Variants in FBXW5 observed in about 807,000 individuals in gnomAD.
FBXW5 encodes F-box/WD repeat-containing protein 5.
A neutral mutation model predicts 50.9 loss-of-function variants in FBXW5; 74 were observed. The observed-to-expected ratio is 1.45, with a 90% CI of 1.20 to 1.76. The LOEUF (loss-of-function observed/expected upper bound fraction) is 1.76. FBXW5 is among the 40% of genes most tolerant of loss of function. The probability of loss-of-function intolerance (pLI) is 0.00; values close to 1 mark genes in which losing one functional copy is unlikely to be tolerated. For missense variants in FBXW5, 1,073 were observed against 818.8 expected (o/e 1.31, Z -3.79); for synonymous variants, 523 against 362.2 (o/e 1.44, Z -5.04).
rs202112452 is a variant in FBXW5 at position 136,943,911 on chromosome 9, C to T, written c.173G>A (p.Arg58His). ...EQFYRYYQVA[R>H]DVPRHPAAMS... is the part of the protein sequence containing the mutation. Reference sequence around the variant, plus strand: ...CTGACCTGGGTGTCGGGGCACGTCGCGGGCCACCTGGTAGTAGCGGTAGAA... The same window carrying T: ...CTGACCTGGGTGTCGGGGCACGTCGTGGGCCACCTGGTAGTAGCGGTAGAA... Residue 58 changes from arginine (R) to histidine (H), a missense_variant, in exon 2 of 9, where the codon CGC becomes CAC. Physicochemically the swap from Arg to His is conservative, Grantham distance 29. Coordinates refer to ENST00000325285, the MANE Select transcript of FBXW5 (RefSeq NM_018998.4). The T allele has an allele frequency of 7.9e-4, 1,230 of 1,550,274 alleles. 7 individuals are homozygous for T. Among genetic ancestry groups the T allele is most frequent in the South Asian group, 6.7e-3 (562 of 84,086 alleles).
At position 136,943,362 on chromosome 9, in the gene FBXW5, T is replaced by G; in HGVS notation, c.338A>C (p.Asp113Ala). 6.2e-7 allele frequency: 1 copy of G among 1,612,124 alleles called. No individual in the cohort carries two copies. Among genetic ancestry groups the G allele is most frequent in the South Asian group, 1.1e-5 (1 of 91,064 alleles). ...GGCCGTCCTCACCTTCACAGTGCAG[T>G]CCTTGGAGCAGGACGCGAACTGGTA... Reference protein sequence around the residue: ...SGYQFASCSKDCTVKIWSNDL... With the variant: ...SGYQFASCSKACTVKIWSNDL... Residue 113 changes from aspartate (D) to alanine (A), a missense_variant, in exon 3 of 9, where the codon GAC (aspartate) becomes GCC (alanine). By Grantham distance (126) the Asp-to-Ala change is moderately radical (BLOSUM62 -2). Transcript: ENST00000325285.
Position 136,944,697 on chromosome 9 carries a change from G to T in FBXW5, c.-127C>A. 1.2e-5 allele frequency: 12 copies of T among 985,672 alleles called. No homozygotes were observed. The highest frequency in any genetic ancestry group is 1.4e-5 in the Non-Finnish European group (12 of 829,762). 61.1% of individuals were successfully genotyped at this position (985,672 alleles called of 1,614,324 possible). A position where few individuals can be genotyped will look rare whatever the true frequency, so the allele number is the denominator to read the frequency against. On this transcript the variant is annotated 5_prime_UTR_variant, in exon 1 of 9. Coordinates refer to ENST00000325285, the MANE Select transcript of FBXW5 (RefSeq NM_018998.4). ...GCCGCCCCCGCCCAACGGGGAGCCC[G>T]CCAGGCCCGACGCCACGAGCCCCGA...
Position 136,941,148 on chromosome 9 carries a change from T to G in FBXW5, c.1481A>C (p.Tyr494Ser). Residue 494 changes from tyrosine to serine, a missense_variant, in exon 9 of 9, where the codon TAC (tyrosine) becomes TCC (serine). Transcript: ENST00000325285. The part of the protein sequence containing the change: ...VASGAEDRHG[Y>S]IWDRHYNICL... ...GATGTTGTAGTGGCGGTCCCAGATG[T>G]AGCCGTGCCGGTCCTCCGCCCCGCT... The G allele has an allele frequency of 6.3e-7, 1 of 1,597,442 alleles. No homozygotes were observed. The highest frequency in any genetic ancestry group is 8.5e-7 in the Non-Finnish European group (1 of 1,171,460).
At position 136,941,365 on chromosome 9, in the gene FBXW5, A is replaced by T; in HGVS notation, c.1343T>A (p.Phe448Tyr). ...PIAEEIDLLV[F>Y]DLKTMREVRR... ...CACCTCCCGCATGGTCTTGAGGTCG[A>T]ACACCAGCAGGTCAATCTCCTCCGC... Residue 448 changes from phenylalanine to tyrosine, a missense_variant, in exon 8 of 9, where the codon TTC (phenylalanine) becomes TAC (tyrosine). Coordinates refer to ENST00000325285, the MANE Select transcript of FBXW5 (RefSeq NM_018998.4). 1.9e-6 allele frequency: 3 copies of T among 1,611,760 alleles called. No homozygotes were observed. The highest frequency in any genetic ancestry group is 2.5e-6 in the Non-Finnish European group (3 of 1,179,898).
In FBXW5 at chr9:136,942,032, C is replaced by G. The variant is rs369659543; in HGVS notation, c.1096+14G>C. 2.5e-6 allele frequency: 4 copies of G among 1,590,242 alleles called. No individual in the cohort carries two copies. In the African/African-American group the frequency reaches 4.0e-5, roughly 16 times the overall value. On this transcript the variant is annotated intron_variant, in intron 6 of 8. Transcript: ENST00000325285. ...CCTAGGACCGAGGCGGGCAGCATGG[C>G]GGCAGGGGTGTACCGATCTGGTGTG...
In FBXW5 at chr9:136,943,917, A is replaced by C. The variant is rs866474611; in HGVS notation, c.167T>G (p.Val56Gly). ...WREQFYRYYQVARDVPRHPAA... is the reference protein window; with the variant it reads ...WREQFYRYYQGARDVPRHPAA... ...TGGGTGTCGGGGCACGTCGCGGGCC[A>C]CCTGGTAGTAGCGGTAGAACTGCTC... The change falls in exon 2 of 9, where the codon GTG becomes GGG. Residue 56 changes from valine (V) to glycine (G), a missense_variant. By Grantham distance (109) the Val-to-Gly change is moderately radical (BLOSUM62 -3). Transcript: ENST00000325285. 9.0e-6 allele frequency: 14 copies of C among 1,550,666 alleles called. No individual in the cohort carries two copies. The Admixed American group carries it at 2.5e-4, about 28-fold the overall frequency.
chr9:136,942,050 C>A lies in FBXW5; in HGVS notation c.1092G>T (p.Gln364His). The change falls in exon 6 of 9, where the codon CAG (glutamine) becomes CAT (histidine). Residue 364 changes from glutamine (Q) to histidine (H), a missense_variant. Gln to His is a conservative substitution (Grantham distance 24). Coordinates refer to ENST00000325285, the MANE Select transcript of FBXW5 (RefSeq NM_018998.4). ...TTGCLTYSPHQIGIKQILPHQ... is the reference protein window; with the variant it reads ...TTGCLTYSPHHIGIKQILPHQ... ...AGCATGGCGGCAGGGGTGTACCGAT[C>A]TGGTGTGGGGAGTAGGTGAGGCAGC... 1 of 1,605,042 alleles carries A rather than the reference C, an allele frequency of 6.2e-7. No individual in the cohort carries two copies. The highest frequency in any genetic ancestry group is 8.5e-7 in the Non-Finnish European group (1 of 1,173,490).
At chr9:136,943,027 T>G in intron 3 of FBXW5, 84 bp from the exon 4 acceptor site, 3 of 1,594,864 alleles carry the variant, frequency 1.9e-6, no homozygotes, top group Non-Finnish European at 2.6e-6. Context: ...AGGCCCCAGC[T>G]CTGCCAGCCC....
intron 4 of FBXW5, 36 bp from the exon 5 acceptor site, chr9:136,942,731 T>TGGGGCG (rs1313268050): frequency 1.4e-5 from 22 of 1,604,094 alleles, no homozygotes; most frequent in Non-Finnish European, 1.7e-5. Context: ...GCTGTCGGCG[T>TGGGGCG]GGGGCGGGGG....
At position 136,940,538 on chromosome 9, in the gene FBXW5, G is replaced by A. The variant is rs545986506; in HGVS notation, c.*390C>T. ...GACCGGCCGCTCCCAAGCCCCGGGCGCACAACCACAGCCAGGAGCAGCCCC... is the reference window on the plus strand; with the variant it reads ...GACCGGCCGCTCCCAAGCCCCGGGCACACAACCACAGCCAGGAGCAGCCCC... On this transcript the variant is annotated 3_prime_UTR_variant, in exon 9 of 9. Coordinates refer to ENST00000325285, the MANE Select transcript of FBXW5 (RefSeq NM_018998.4). The A allele has an allele frequency of 7.8e-5, 20 of 254,778 alleles. No individual in the cohort carries two copies. The highest frequency in any genetic ancestry group is 1.5e-3 in the Middle Eastern group (1 of 686). 15.8% of individuals were successfully genotyped at this position (254,778 alleles called of 1,614,324 possible). A position where few individuals can be genotyped will look rare whatever the true frequency, so the allele number is the denominator to read the frequency against.
chr9:136,942,364 A>AGCG lies in FBXW5; in HGVS notation c.775_777dup (p.Arg259dup). ...TCCAGCAGCAGGTCAGGGCTGTCGA[A>AGCG]GCGGCTGCAGTCGGCCACCATCACC... On this transcript the variant is annotated inframe_insertion, in exon 6 of 9. Coordinates refer to ENST00000325285, the MANE Select transcript of FBXW5 (RefSeq NM_018998.4). 1 of 1,609,146 alleles carries AGCG rather than the reference A, an allele frequency of 6.2e-7. No individual in the cohort carries two copies. Among genetic ancestry groups the AGCG allele is most frequent in the Non-Finnish European group, 8.5e-7 (1 of 1,178,478 alleles).
At position 136,942,352 on chromosome 9, in the gene FBXW5, C is replaced by T; in HGVS notation, c.790G>A (p.Asp264Asn). Residue 264 changes from aspartate to asparagine, a missense_variant, in exon 6 of 9, where the codon GAC becomes AAC. Coordinates refer to ENST00000325285, the MANE Select transcript of FBXW5 (RefSeq NM_018998.4). ...GGGTCACCGGCTTCCAGCAGCAGGT[C>T]AGGGCTGTCGAAGCGGCTGCAGTCG... is the stretch of plus-strand genomic sequence containing the variant. ...VADCSRFDSP[D>N]LLLEAGDPAT... 2.5e-6 allele frequency: 4 copies of T among 1,607,296 alleles called. No individual in the cohort carries two copies. The highest frequency in any genetic ancestry group is 3.4e-6 in the Non-Finnish European group (4 of 1,177,634).
intron 2 of FBXW5, 132 bp downstream of exon 2, chr9:136,943,759 C>G (rs1001147315): frequency 8.8e-7 from 1 of 1,129,966 alleles, no homozygotes; most frequent in Non-Finnish European, 1.2e-6. Flanking sequence ...TGACAGGCCT[C>G]TATCAGGGTG....
rs1230908192 is a variant in FBXW5 at position 136,942,092 on chromosome 9, G to T, written c.1050C>A (p.Tyr350Ter). ...TGAGGCAGCCAGTGGTGAAGATGAG[G>T]TACTTGCTCTTGGCGCCTGTGGCAC... Reference protein sequence around the residue: ...ERSATGAKSKYLIFTTGCLTY... With the variant: ...ERSATGAKSK The change falls in exon 6 of 9, where the codon TAC becomes TAA. Residue 350 changes from tyrosine to a stop codon, truncating the protein, a stop_gained. Transcript: ENST00000325285. LOFTEE classifies it high-confidence loss of function. 1 of 1,612,926 alleles carries T rather than the reference G, an allele frequency of 6.2e-7. No individual in the cohort carries two copies. Among genetic ancestry groups the T allele is most frequent in the Non-Finnish European group, 8.5e-7 (1 of 1,179,342 alleles).
At chr9:136,943,218 G>C in intron 3 of FBXW5, 131 bp downstream of exon 3, 1 of 1,260,270 alleles carries the variant, frequency 7.9e-7, no homozygotes, top group South Asian at 1.4e-5. Flanking sequence ...GCTGGATGCA[G>C]GGAGGCTGCT....
At position 136,942,666 on chromosome 9, in the gene FBXW5, TC is replaced by T. The variant is rs1564435550; in HGVS notation, c.555del (p.Asn186ThrfsTer50). 6.2e-7 allele frequency: 1 copy of T among 1,610,006 alleles called. No homozygotes were observed. The highest frequency in any genetic ancestry group is 8.5e-7 in the Non-Finnish European group (1 of 1,178,864). ...LDSFALLSRV[R>X]NKPYDVFGCW... ...CAGCCAAACACGTCATAGGGCTTGT[TC>T]CGCACGCGGGACAGCAGCGCGAAGG... On this transcript the variant is annotated frameshift_variant, in exon 5 of 9. Transcript: ENST00000325285. LOFTEE classifies it high-confidence loss of function.
rs1850961822 is a variant in FBXW5, at chr9:136,944,580, G to A, written c.-24+14C>T. ...CGACAAGGCGGGACCCCCGAGGGCC[G>A]CAGGCGCACTCACCACGGCCGCCTC... On this transcript the variant is annotated intron_variant, in intron 1 of 8. Coordinates refer to ENST00000325285, the MANE Select transcript of FBXW5 (RefSeq NM_018998.4). 3.3e-5 allele frequency: 32 copies of A among 984,052 alleles called. No homozygotes were observed. Among genetic ancestry groups the A allele is most frequent in the Non-Finnish European group, 3.9e-5 (32 of 829,222 alleles). 61.0% of individuals were successfully genotyped at this position (984,052 alleles called of 1,614,324 possible). A position where few individuals can be genotyped will look rare whatever the true frequency, so the allele number is the denominator to read the frequency against.
chr9:136,943,266 A>G, intron 3 of FBXW5, 83 bp downstream of exon 3: 2 of 600,178 alleles, frequency 3.3e-6, no homozygotes, highest in South Asian at 1.9e-5. Context: ...CCCCACCACC[A>G]CCTGGTTGGA....
rs1564433563 is a variant in FBXW5, at chr9:136,941,702, G to A, written c.1097-18C>T. 3.2e-6 allele frequency: 5 copies of A among 1,546,730 alleles called. No individual in the cohort carries two copies. The highest frequency in any genetic ancestry group is 3.9e-5 in the Admixed American group (2 of 51,362). On this transcript the variant is annotated intron_variant, in intron 6 of 8. Coordinates refer to ENST00000325285, the MANE Select transcript of FBXW5 (RefSeq NM_018998.4). ...CTTGATGCCTGCAGGGAGGGCTACG[G>A]TGAGGGTCCCTGTCCAATGCCCCAA... is the stretch of plus-strand genomic sequence containing the variant.
Sources: gnomAD v4.1 joint callset for allele counts on GRCh38, gnomAD v4.1.1 for gene constraint, MANE v1.5 for transcripts, NCBI Gene and HGNC (gene_info 2026-07-23, HGNC 2026-07-21) for gene names.